SNTG1: variants seen among roughly 807,000 people sequenced by gnomAD.
SNTG1 encodes gamma-1-syntrophin.
A neutral mutation model predicts 74.7 loss-of-function variants in SNTG1; 39 were observed. That is an observed-to-expected ratio of 0.52 (90% CI 0.40 to 0.68). SNTG1 has a LOEUF of 0.68. SNTG1 is among the 30% of genes least tolerant of loss of function. The pLI, the probability that SNTG1 is intolerant of heterozygous loss-of-function variation, is 0.00. For synonymous variants in SNTG1, 254 were observed against 217.1 expected, an observed-to-expected ratio of 1.17 and a Z score of -1.49; for missense variants, 685 against 609.5, an observed-to-expected ratio of 1.12 and a Z score of -1.30.
At chr8:50,477,556 T>C (rs1303417606) in intron 8 of SNTG1, among the ~76,000 whole-genome samples, 1 of 152,080 alleles carries the variant, frequency 6.6e-6, no homozygotes, top group African/African-American at 2.4e-5. Flanking sequence ...AACAACTAAA[T>C]GTAATGTAAT....
chr8:50,192,007 T>C (rs1563720762), intron 2 of SNTG1, among the ~76,000 whole-genome samples: 1 of 152,074 alleles, frequency 6.6e-6, no homozygotes, highest in African/African-American at 2.4e-5. Flanking sequence ...AATATCACCA[T>C]ATTGTTTTTA....
At chr8:50,671,066 G>A (rs1390649079) in intron 15 of SNTG1, among the ~76,000 whole-genome samples, 2 of 151,424 alleles carry the variant, frequency 1.3e-5, no homozygotes, top group African/African-American at 4.9e-5. Flanking sequence ...AGACTTAAAT[G>A]TTAGACCTAA....
chr8:50,574,545 G>A (rs2130782089), intron 12 of SNTG1, among the ~76,000 whole-genome samples: 1 of 152,118 alleles, frequency 6.6e-6, no homozygotes, highest in East Asian at 1.9e-4. Context: ...ACTTGAAAAT[G>A]TGTATTTTTC....
chr8:50,350,795 G>A (rs894476519), intron 2 of SNTG1, among the ~76,000 whole-genome samples: 24 of 152,142 alleles, frequency 1.6e-4, no homozygotes, highest in African/African-American at 5.5e-4. Flanking sequence ...TCTAGCTCAG[G>A]GATTGTAAAC....
In SNTG1 at chr8:50,253,955, C is replaced by A. The variant is rs115158375; in HGVS notation, c.-28+81320C>A. On this transcript the variant is annotated intron_variant, in intron 2 of 18. Coordinates refer to ENST00000642720, the MANE Select transcript of SNTG1 (RefSeq NM_018967.5). The stretch of plus-strand genomic sequence containing the variant: ...GTGAATGAATAACCATTGATAATTA[C>A]AAGGAATAGGTTGTGGTATTTTACT... 1.6e-3 allele frequency among the ~76,000 whole-genome samples: 237 copies of A among 151,598 alleles called. 1 individual carries two copies. The highest frequency in any genetic ancestry group is 5.5e-3 in the African/African-American group (229 of 41,330).
At chr8:50,460,072 T>C (rs1278517395) in intron 8 of SNTG1, among the ~76,000 whole-genome samples, 1 of 152,202 alleles carries the variant, frequency 6.6e-6, no homozygotes, top group Non-Finnish European at 1.5e-5. Context: ...TTTAAATTTT[T>C]TGGGAAACCT....
chr8:50,372,233 T>G (rs2092285736), intron 2 of SNTG1, among the ~76,000 whole-genome samples: 1 of 151,780 alleles, frequency 6.6e-6, no homozygotes, highest in African/African-American at 2.4e-5. Context: ...TGTGTGTGTG[T>G]GGTGGCATGC....
intron 8 of SNTG1, among the ~76,000 whole-genome samples, chr8:50,500,908 G>A (rs184005050): frequency 3.3e-5 from 5 of 152,224 alleles, no homozygotes; most frequent in Admixed American, 3.3e-4. Flanking sequence ...CTTGGAGCAG[G>A]TCTATCTTTG....
chr8:50,142,094 G>C (rs546614254), intron 1 of SNTG1, among the ~76,000 whole-genome samples: 23 of 152,112 alleles, frequency 1.5e-4, no homozygotes, highest in African/African-American at 5.3e-4. Flanking sequence ...AATTGTGTAT[G>C]TTTGTAGGTT....
intron 17 of SNTG1, among the ~76,000 whole-genome samples, chr8:50,744,756 A>G (rs1379983670): frequency 6.6e-6 from 1 of 152,000 alleles, no homozygotes; most frequent in African/African-American, 2.4e-5. Flanking sequence ...ATGTATGGTA[A>G]AATGATTTTC....
chr8:50,156,040 G>GA (rs1197696034), intron 1 of SNTG1, among the ~76,000 whole-genome samples: 3 of 151,984 alleles, frequency 2.0e-5, no homozygotes, highest in Non-Finnish European at 4.4e-5. Context: ...AACTTTTATT[G>GA]AAAAATAGAA....
chr8:50,777,275 C>A (rs2131811692), intron 18 of SNTG1, among the ~76,000 whole-genome samples: 1 of 146,946 alleles, frequency 6.8e-6, no homozygotes, highest in South Asian at 2.1e-4. Context: ...GTTTTAGTCT[C>A]ACAGTTCACT....
At chr8:49,982,603 C>CAA (rs33971834) in intron 1 of SNTG1, among the ~76,000 whole-genome samples, 88,692 of 126,106 alleles carry the variant, frequency 0.7, 30,864 homozygotes, top group East Asian at 0.94. Context: ...GAGGCTGAAG[C>CAA]AAAAAAAAAA....
At chr8:50,145,303 T>C (rs1360227745) in intron 1 of SNTG1, among the ~76,000 whole-genome samples, 1 of 152,200 alleles carries the variant, frequency 6.6e-6, no homozygotes, top group East Asian at 1.9e-4. Context: ...GAAAAATCTA[T>C]ATACAAATAT....
At chr8:50,063,059 T>C (rs1462133485) in intron 1 of SNTG1, among the ~76,000 whole-genome samples, 1 of 152,232 alleles carries the variant, frequency 6.6e-6, no homozygotes, top group Admixed American at 6.5e-5. Context: ...CACAAGTGCA[T>C]ATTTTTGTTT....
At position 50,792,214 on chromosome 8, in the gene SNTG1, C is replaced by T. The variant is rs185600184; in HGVS notation, c.1396-457C>T. ...TATAAGAGTTCATATCCCCTTACTT[C>T]TAGCATTTCTTATTCAGTTTCTTAT... On this transcript the variant is annotated intron_variant, in intron 18 of 18. Coordinates refer to ENST00000642720, the MANE Select transcript of SNTG1 (RefSeq NM_018967.5). Among the ~76,000 whole-genome samples, 10 of 151,762 alleles carry T rather than the reference C, an allele frequency of 6.6e-5. No homozygotes were observed. The East Asian group carries it at 1.7e-3, about 27-fold the overall frequency.
At chr8:50,575,103 G>A (rs554728260) in intron 12 of SNTG1, among the ~76,000 whole-genome samples, 2 of 152,240 alleles carry the variant, frequency 1.3e-5, no homozygotes, top group Non-Finnish European at 2.9e-5. Context: ...ACTGAGTGTG[G>A]TGGTGCAATT....
At chr8:49,981,982 T>C (rs1812720648) in intron 1 of SNTG1, among the ~76,000 whole-genome samples, 1 of 152,046 alleles carries the variant, frequency 6.6e-6, no homozygotes, top group Admixed American at 6.6e-5. Context: ...CAGGTCCTTC[T>C]TAAAAAAATA....
intron 15 of SNTG1, among the ~76,000 whole-genome samples, chr8:50,695,411 A>T (rs1471400873): frequency 6.6e-6 from 1 of 152,012 alleles, no homozygotes; most frequent in Non-Finnish European, 1.5e-5. Flanking sequence ...TACTGAGTAG[A>T]TAAGCCAAAA....
Sources: gnomAD v4.1 joint callset for allele counts (sites outside exome capture counted in the v4.1 genomes callset) on GRCh38, gnomAD v4.1.1 for gene constraint, MANE v1.5 for transcripts, NCBI Gene and HGNC (gene_info 2026-07-23, HGNC 2026-07-21) for gene names.